NR3C2: variants seen among roughly 807,000 people sequenced by gnomAD.
NR3C2 encodes mineralocorticoid receptor.
Under a neutral mutation model 86.4 loss-of-function variants are expected in NR3C2, and 15 were observed. The ratio of observed to expected loss-of-function variants is 0.17; its 90% confidence interval spans 0.12 to 0.27. NR3C2 has a LOEUF of 0.27. Ranked by LOEUF, NR3C2 falls within the 10% of genes least tolerant of loss-of-function variation. The pLI is 1.00. For synonymous variants in NR3C2, 458 were observed against 450.5 expected (o/e 1.02, Z -0.21); for missense variants, 960 against 1,195.6 (o/e 0.80, Z 2.91).
At chr4:148,088,809 C>T (rs925947311) in intron 8 of NR3C2, among the ~76,000 whole-genome samples, 1 of 151,968 alleles carries the variant, frequency 6.6e-6, no homozygotes, top group African/African-American at 2.4e-5. Flanking sequence ...CACGTGTACC[C>T]CAGAACTTTA....
intron 1 of NR3C2, among the ~76,000 whole-genome samples, chr4:148,437,341 C>G (rs952460356): frequency 2.0e-5 from 3 of 152,118 alleles, no homozygotes; most frequent in Admixed American, 6.5e-5. Context: ...AAGCTGCCTT[C>G]CATATTTAAT....
At position 148,258,225 on chromosome 4, in the gene NR3C2, A is replaced by C. The variant is rs1323754803; in HGVS notation, c.1897+1753T>G. ...GACATACCACTTACTTTGTTTACTA[A>C]TTAAGTGAGCCAGAAAGAGGAATTC... On this transcript the variant is annotated intron_variant, in intron 3 of 8. Transcript: ENST00000358102. Among the ~76,000 whole-genome samples, 8 of 152,312 alleles carry C rather than the reference A, an allele frequency of 5.3e-5. No homozygotes were observed. The East Asian group carries it at 1.5e-3, about 29-fold the overall frequency.
chr4:148,340,627 A>T (rs1744705427), intron 2 of NR3C2, among the ~76,000 whole-genome samples: 2 of 152,128 alleles, frequency 1.3e-5, no homozygotes, highest in Admixed American at 1.3e-4. Context: ...AAGTAAAAAT[A>T]CACAAATGGG....
intron 2 of NR3C2, among the ~76,000 whole-genome samples, chr4:148,418,582 A>C (rs1345672273): frequency 6.6e-6 from 1 of 152,200 alleles, no homozygotes; most frequent in Non-Finnish European, 1.5e-5. Flanking sequence ...TTCAAAATGG[A>C]ATCTCTTAGG....
intron 2 of NR3C2, among the ~76,000 whole-genome samples, chr4:148,310,542 C>G (rs1160118060): frequency 6.6e-6 from 1 of 152,144 alleles, no homozygotes; most frequent in East Asian, 1.9e-4. Context: ...CTCTACCAGC[C>G]AGCATAATTG....
At chr4:148,166,331 C>G (rs1307979088) in intron 4 of NR3C2, among the ~76,000 whole-genome samples, 4 of 152,216 alleles carry the variant, frequency 2.6e-5, no homozygotes, top group Non-Finnish European at 4.4e-5. Flanking sequence ...GCCGTCAGGT[C>G]TCAGGGCACT....
rs748223406 is a variant in NR3C2, at chr4:148,436,804, C to T, written c.57G>A (p.Trp19Ter). ...GCTCCACAGCCTGAGAAACTTGACC[C>T]CACCGTCTTTCCATATCTAGACCTT... is the stretch of plus-strand genomic sequence containing the variant. ...LPEGLDMERRWGQVSQAVERS... is the reference protein window; with the variant it reads ...LPEGLDMERR The change falls in exon 2 of 9, where the codon TGG becomes TGA. Residue 19 changes from tryptophan to a stop codon, truncating the protein, a stop_gained. Transcript: ENST00000358102. LOFTEE classifies it high-confidence loss of function. 6.2e-7 allele frequency: 1 copy of T among 1,613,150 alleles called. No individual in the cohort carries two copies. The highest frequency in any genetic ancestry group is 8.5e-7 in the Non-Finnish European group (1 of 1,179,870).
At chr4:148,119,261 C>T (rs1353207806) in intron 7 of NR3C2, among the ~76,000 whole-genome samples, 1 of 152,172 alleles carries the variant, frequency 6.6e-6, no homozygotes, top group South Asian at 2.1e-4. Flanking sequence ...AACCCCTTCC[C>T]GCTAAGTGTT....
intron 1 of NR3C2, among the ~76,000 whole-genome samples, chr4:148,439,532 G>A (rs1750231734): frequency 6.6e-6 from 1 of 152,014 alleles, no homozygotes; most frequent in African/African-American, 2.4e-5. Flanking sequence ...TCTCTTCCTG[G>A]TCATAGTCAA....
chr4:148,303,749 C>T (rs916067953), intron 2 of NR3C2, among the ~76,000 whole-genome samples: 7 of 152,178 alleles, frequency 4.6e-5, no homozygotes, highest in Admixed American at 1.3e-4. Context: ...TGACAAATTC[C>T]TGCCAATTAA....
At chr4:148,362,536 G>A (rs1029732527) in intron 2 of NR3C2, among the ~76,000 whole-genome samples, 6 of 152,108 alleles carry the variant, frequency 3.9e-5, no homozygotes, top group African/African-American at 9.7e-5. Context: ...CACATTGGCT[G>A]TTCTATTATT....
intron 2 of NR3C2, among the ~76,000 whole-genome samples, chr4:148,364,690 A>G (rs1746019712): frequency 6.6e-6 from 1 of 152,100 alleles, no homozygotes; most frequent in Non-Finnish European, 1.5e-5. Flanking sequence ...TCCTATGTTG[A>G]TGGGTGTAGT....
chr4:148,175,849 A>AT (rs536001592), intron 4 of NR3C2, among the ~76,000 whole-genome samples: 2 of 152,122 alleles, frequency 1.3e-5, no homozygotes, highest in Non-Finnish European at 2.9e-5. Flanking sequence ...ATTTAAAAAA[A>AT]TTTTTTTAGC....
chr4:148,407,503 T>C (rs557856555), intron 2 of NR3C2, among the ~76,000 whole-genome samples: 10 of 152,340 alleles, frequency 6.6e-5, no homozygotes, highest in African/African-American at 2.4e-4. Context: ...TATTGATCCA[T>C]TCATTAAACA....
chr4:148,082,494 C>T (rs1348323067), intron 8 of NR3C2, among the ~76,000 whole-genome samples: 1 of 152,060 alleles, frequency 6.6e-6, no homozygotes, highest in Non-Finnish European at 1.5e-5. Context: ...CCAAGGGAAG[C>T]CATGAGGGGG....
chr4:148,106,090 G>T (rs1274058472), intron 8 of NR3C2, among the ~76,000 whole-genome samples: 1 of 152,140 alleles, frequency 6.6e-6, no homozygotes, highest in African/African-American at 2.4e-5. Context: ...GTTTGCAGAT[G>T]ACATGATTCT....
intron 2 of NR3C2, among the ~76,000 whole-genome samples, chr4:148,428,206 T>C (rs1228929689): frequency 6.6e-6 from 1 of 152,166 alleles, no homozygotes; most frequent in African/African-American, 2.4e-5. Flanking sequence ...CTTCTGTCTT[T>C]CTGTTACATT....
intron 2 of NR3C2, among the ~76,000 whole-genome samples, chr4:148,353,376 T>C (rs1745392995): frequency 6.6e-6 from 1 of 152,116 alleles, no homozygotes; most frequent in Admixed American, 6.6e-5. Flanking sequence ...AAAACCATCA[T>C]AAGAAACCAC....
chr4:148,230,448 C>A (rs531968886), intron 3 of NR3C2, among the ~76,000 whole-genome samples: 1 of 152,312 alleles, frequency 6.6e-6, no homozygotes, highest in South Asian at 2.1e-4. Flanking sequence ...CTGCCCACCT[C>A]AGCCTCCCTA....
Sources: allele counts gnomAD v4.1 joint callset (sites outside exome capture counted in the v4.1 genomes callset), GRCh38; gene constraint gnomAD v4.1.1; transcripts MANE v1.5; gene names NCBI Gene and HGNC (gene_info 2026-07-23, HGNC 2026-07-21).